Variants in LAPTM4B observed in about 807,000 individuals in gnomAD.
LAPTM4B encodes lysosomal-associated transmembrane protein 4B.
LAPTM4B carries 26 observed loss-of-function variants against 28.5 expected under a neutral mutation model. That is an observed-to-expected ratio of 0.91 (90% CI 0.67 to 1.27). The LOEUF (loss-of-function observed/expected upper bound fraction) is 1.27. Ranked by LOEUF, LAPTM4B falls within the 50% of genes most tolerant of loss-of-function variation. The probability of loss-of-function intolerance (pLI) is 0.00; values close to 1 mark genes in which losing one functional copy is unlikely to be tolerated. For missense variants in LAPTM4B, 288 were observed against 285.8 expected (o/e 1.01, Z -0.06); for synonymous variants, 109 against 106.4 (o/e 1.02, Z -0.15).
chr8:97,789,597 G>A (rs933225569), intron 1 of LAPTM4B, among the ~76,000 whole-genome samples: 3 of 148,836 alleles, frequency 2.0e-5, no homozygotes, highest in South Asian at 2.1e-4. Flanking sequence ...GTGTGATCTC[G>A]GCTCATCGCA....
chr8:97,802,260 A>G (rs1816694445), intron 1 of LAPTM4B, among the ~76,000 whole-genome samples: 1 of 152,134 alleles, frequency 6.6e-6, no homozygotes, highest in African/African-American at 2.4e-5. Context: ...GACTGATAAT[A>G]CTATAATTAT....
chr8:97,814,349 A>G (rs1003800387), intron 2 of LAPTM4B, among the ~76,000 whole-genome samples: 1 of 152,058 alleles, frequency 6.6e-6, no homozygotes, highest in African/African-American at 2.4e-5. Context: ...CGTCTCTACT[A>G]AAAATATAAA....
chr8:97,838,304 A>G (rs1456602303), intron 6 of LAPTM4B, among the ~76,000 whole-genome samples: 3 of 152,222 alleles, frequency 2.0e-5, no homozygotes, highest in Non-Finnish European at 4.4e-5. Context: ...TGTGCCCACC[A>G]GTTCCATCCA....
At chr8:97,832,396 A>G (rs1586341715) in intron 6 of LAPTM4B, among the ~76,000 whole-genome samples, 1 of 152,152 alleles carries the variant, frequency 6.6e-6, no homozygotes, top group Non-Finnish European at 1.5e-5. Context: ...GTTGACATAC[A>G]TGCCGGGAAA....
chr8:97,842,136 T>C (rs914306033), intron 6 of LAPTM4B, among the ~76,000 whole-genome samples: 1 of 152,236 alleles, frequency 6.6e-6, no homozygotes. Context: ...GTAGACAGTA[T>C]ATGTGAATGA....
intron 6 of LAPTM4B, among the ~76,000 whole-genome samples, chr8:97,833,822 G>A (rs1000905588): frequency 2.0e-5 from 3 of 152,144 alleles, no homozygotes; most frequent in Non-Finnish European, 2.9e-5. Context: ...CATTAGGGTT[G>A]CAATATGATC....
chr8:97,840,828 A>G (rs1817335978), intron 6 of LAPTM4B, among the ~76,000 whole-genome samples: 1 of 141,654 alleles, frequency 7.1e-6, no homozygotes, highest in African/African-American at 3.0e-5. Flanking sequence ...CACTTCCCAG[A>G]TGGTGGGGCG....
intron 1 of LAPTM4B, among the ~76,000 whole-genome samples, chr8:97,794,036 A>G (rs577463084): frequency 1.8e-4 from 28 of 152,244 alleles, no homozygotes; most frequent in African/African-American, 3.4e-4. Context: ...CTGGAATGCA[A>G]TGGTGCAGTC....
chr8:97,818,278 G>A (rs1362395389), intron 4 of LAPTM4B, among the ~76,000 whole-genome samples: 1 of 152,214 alleles, frequency 6.6e-6, no homozygotes, highest in Non-Finnish European at 1.5e-5. Flanking sequence ...CCTTCTCCAT[G>A]TTCTTCCTCA....
chr8:97,785,219 G>A (rs1816382151), intron 1 of LAPTM4B, among the ~76,000 whole-genome samples: 3 of 151,874 alleles, frequency 2.0e-5, no homozygotes. Flanking sequence ...CCGAGTACAT[G>A]GGATTACAGG....
At chr8:97,828,783 C>T (rs1250343643) in intron 6 of LAPTM4B, among the ~76,000 whole-genome samples, 1 of 152,104 alleles carries the variant, frequency 6.6e-6, no homozygotes, top group Admixed American at 6.6e-5. Flanking sequence ...GGAGAGACTG[C>T]GAAATGTGGT....
chr8:97,775,937 C>A lies in LAPTM4B; in HGVS notation c.-73C>A, dbSNP rs114187680. Reference sequence around the variant, plus strand: ...GGCGGAGGAGCCGGCAGCAGCGGCGCGGCGGGCTCCAGGCGAGGCGGTCGA... The same window carrying A: ...GGCGGAGGAGCCGGCAGCAGCGGCGAGGCGGGCTCCAGGCGAGGCGGTCGA... On this transcript the variant is annotated 5_prime_UTR_variant, in exon 1 of 7. Transcript: ENST00000521545. 73 of 1,451,560 alleles carry A rather than the reference C, an allele frequency of 5.0e-5. No homozygotes were observed. Among genetic ancestry groups the A allele is most frequent in the South Asian group, 2.7e-4 (19 of 70,550 alleles). The allele number at this position is 1,451,560 out of a possible 1,614,324, so 89.9% of individuals were successfully genotyped here. A position where few individuals can be genotyped will look rare whatever the true frequency, so the allele number is the denominator to read the frequency against.
chr8:97,796,058 GC>G (rs35474694), intron 1 of LAPTM4B, among the ~76,000 whole-genome samples: 135,186 of 152,052 alleles, frequency 0.89, 60,867 homozygotes, highest in Middle Eastern at 0.98. Context: ...TCTTGCCTTG[GC>G]CCCCCCAGTA....
chr8:97,849,912 A>G (rs1260150402), intron 6 of LAPTM4B, among the ~76,000 whole-genome samples: 1 of 149,102 alleles, frequency 6.7e-6, no homozygotes, highest in East Asian at 1.9e-4. Context: ...CAGCGGTGGC[A>G]GCGCCTCTCA....
At chr8:97,840,323 A>C (rs1046660390) in intron 6 of LAPTM4B, among the ~76,000 whole-genome samples, 1 of 152,270 alleles carries the variant, frequency 6.6e-6, no homozygotes. Flanking sequence ...TTTTGAGTAC[A>C]ATCTGTATCA....
chr8:97,806,828 G>T (rs1371460238), intron 2 of LAPTM4B, among the ~76,000 whole-genome samples: 1 of 152,116 alleles, frequency 6.6e-6, no homozygotes, highest in African/African-American at 2.4e-5. Flanking sequence ...GTGGTGGTGA[G>T]TGCCTGTAAT....
intron 5 of LAPTM4B, among the ~76,000 whole-genome samples, chr8:97,823,627 G>A (rs895516492): frequency 3.3e-5 from 5 of 151,058 alleles, no homozygotes; most frequent in Admixed American, 2.0e-4. Flanking sequence ...CACCCACCTC[G>A]GCCTCCCAAA....
At chr8:97,813,815 A>T (rs1816863119) in intron 2 of LAPTM4B, among the ~76,000 whole-genome samples, 1 of 152,230 alleles carries the variant, frequency 6.6e-6, no homozygotes, top group Admixed American at 6.5e-5. Flanking sequence ...CTCTGTCGAA[A>T]AAATGCAAAG....
At chr8:97,792,575 A>AT (rs1275931436) in intron 1 of LAPTM4B, among the ~76,000 whole-genome samples, 3 of 150,224 alleles carry the variant, frequency 2.0e-5, no homozygotes, top group Non-Finnish European at 3.0e-5. Flanking sequence ...TTTTTTTTTT[A>AT]TTTTTTATTT....
Sources: allele counts gnomAD v4.1 joint callset (sites outside exome capture counted in the v4.1 genomes callset), GRCh38; gene constraint gnomAD v4.1.1; transcripts MANE v1.5; gene names NCBI Gene and HGNC (gene_info 2026-07-23, HGNC 2026-07-21).